The following CADM2 variants were observed in gnomAD, a reference collection of about 807,000 sequenced individuals.
CADM2 encodes immunoglobulin superfamily member 4D.
CADM2 carries 12 observed loss-of-function variants against 49.8 expected under a neutral mutation model. The ratio of observed to expected loss-of-function variants is 0.24; its 90% confidence interval spans 0.15 to 0.39. The LOEUF is 0.39. Ranked by LOEUF, CADM2 falls within the 10% of genes least tolerant of loss-of-function variation. CADM2 has a pLI of 1.00. For missense variants in CADM2, 378 were observed against 492.3 expected, an observed-to-expected ratio of 0.77 and a Z score of 2.20; for synonymous variants, 214 against 175.4, an observed-to-expected ratio of 1.22 and a Z score of -1.74.
intron 5 of CADM2, among the ~76,000 whole-genome samples, chr3:85,911,860 T>G (rs1293928428): frequency 1.3e-5 from 2 of 152,088 alleles, no homozygotes; most frequent in Non-Finnish European, 2.9e-5. Flanking sequence ...ACCAAAGAAA[T>G]AAAATTGCTG....
chr3:85,569,384 G>C (rs1199242540), intron 1 of CADM2, among the ~76,000 whole-genome samples: 1 of 152,050 alleles, frequency 6.6e-6, no homozygotes, highest in African/African-American at 2.4e-5. Context: ...CCAGTTTGGG[G>C]TTATTAAGAA....
rs79872792 is a variant in CADM2 at position 85,665,181 on chromosome 3, A to G, written c.62-61341A>G. 6.2e-3 allele frequency among the ~76,000 whole-genome samples: 940 copies of G among 152,106 alleles called. 15 individuals carry two copies. Among genetic ancestry groups the G allele is most frequent in the African/African-American group, 0.021 (888 of 41,528 alleles). ...TGAAGCCTGCTTGATTGAATCTATC[A>G]CATTGTACATGCTCAGTCATTTTAA... On this transcript the variant is annotated intron_variant, in intron 1 of 9. Coordinates refer to ENST00000383699, the MANE Select transcript of CADM2 (RefSeq NM_001167675.2).
chr3:85,437,703 T>C (rs1431690789), intron 1 of CADM2, among the ~76,000 whole-genome samples: 2 of 152,006 alleles, frequency 1.3e-5, no homozygotes, highest in Non-Finnish European at 2.9e-5. Context: ...TAAATAGGGC[T>C]GTGGAAATCC....
intron 1 of CADM2, among the ~76,000 whole-genome samples, chr3:85,570,122 T>C (rs1013752977): frequency 2.6e-5 from 4 of 152,192 alleles, no homozygotes; most frequent in Non-Finnish European, 1.5e-5. Flanking sequence ...ACAAATTAAT[T>C]ATCCTTATCC....
At chr3:85,111,362 A>G (rs1168187445) in intron 1 of CADM2, among the ~76,000 whole-genome samples, 1 of 151,802 alleles carries the variant, frequency 6.6e-6, no homozygotes, top group East Asian at 1.9e-4. Flanking sequence ...ATATGGTTCA[A>G]ATTTAAGCCT....
chr3:85,890,302 TA>T (rs1714251944), intron 5 of CADM2, among the ~76,000 whole-genome samples: 1 of 151,758 alleles, frequency 6.6e-6, no homozygotes, highest in Admixed American at 6.6e-5. Flanking sequence ...AAAGAGAGAG[TA>T]GGGGAAAGGT....
chr3:85,201,962 C>A (rs2107747698), intron 1 of CADM2, among the ~76,000 whole-genome samples: 1 of 151,676 alleles, frequency 6.6e-6, no homozygotes, highest in East Asian at 2.0e-4. Context: ...TGCCTGTAGT[C>A]CCAGCTACTC....
intron 6 of CADM2, among the ~76,000 whole-genome samples, chr3:85,934,391 T>C (rs1288155920): frequency 6.6e-6 from 1 of 152,120 alleles, no homozygotes; most frequent in Admixed American, 6.6e-5. Context: ...AAAAAATTAA[T>C]AAAGTATGTT....
At chr3:85,101,170 C>T (rs904631979) in intron 1 of CADM2, among the ~76,000 whole-genome samples, 1 of 152,078 alleles carries the variant, frequency 6.6e-6, no homozygotes, top group Non-Finnish European at 1.5e-5. Flanking sequence ...GGGAGAATTG[C>T]TTAAACAAAG....
At chr3:85,499,146 C>A (rs1371642124) in intron 1 of CADM2, among the ~76,000 whole-genome samples, 1 of 151,972 alleles carries the variant, frequency 6.6e-6, no homozygotes, top group Admixed American at 6.6e-5. Context: ...GGACTCCTAA[C>A]AACAACAATT....
At chr3:85,983,609 A>G (rs1325207081) in intron 8 of CADM2, among the ~76,000 whole-genome samples, 1 of 151,752 alleles carries the variant, frequency 6.6e-6, no homozygotes, top group Non-Finnish European at 1.5e-5. Flanking sequence ...CAGCAGTTGT[A>G]TCATACCATT....
At chr3:85,288,797 C>CT (rs1485196148) in intron 1 of CADM2, among the ~76,000 whole-genome samples, 1 of 127,254 alleles carries the variant, frequency 7.9e-6, no homozygotes, top group Non-Finnish European at 1.6e-5. Flanking sequence ...CCCCCCCCCT[C>CT]TTTTTTTCCA....
chr3:85,897,938 A>G (rs1243959975), intron 5 of CADM2, among the ~76,000 whole-genome samples: 3 of 152,200 alleles, frequency 2.0e-5, no homozygotes, highest in South Asian at 2.1e-4. Context: ...AGTATATGCC[A>G]TAGATCTGTT....
chr3:85,575,861 T>C (rs1377803816), intron 1 of CADM2, among the ~76,000 whole-genome samples: 2 of 152,304 alleles, frequency 1.3e-5, no homozygotes, highest in South Asian at 2.1e-4. Flanking sequence ...AACTGCAAAT[T>C]ATTCAGCATA....
chr3:85,505,884 GT>G (rs2040328698), intron 1 of CADM2, among the ~76,000 whole-genome samples: 1 of 151,998 alleles, frequency 6.6e-6, no homozygotes, highest in African/African-American at 2.4e-5. Flanking sequence ...TTCGGTTATT[GT>G]TTTTGGGTTT....
At chr3:85,569,065 C>A (rs2062400988) in intron 1 of CADM2, among the ~76,000 whole-genome samples, 1 of 152,058 alleles carries the variant, frequency 6.6e-6, no homozygotes, top group Admixed American at 6.6e-5. Context: ...GACATGGAAA[C>A]AGTTAAGTCC....
chr3:85,501,777 G>T (rs1282516416), intron 1 of CADM2, among the ~76,000 whole-genome samples: 1 of 152,042 alleles, frequency 6.6e-6, no homozygotes. Context: ...GCCAGTGGTT[G>T]CTACCAATGA....
intron 1 of CADM2, among the ~76,000 whole-genome samples, chr3:85,233,530 A>C (rs1395942064): frequency 6.6e-6 from 1 of 152,132 alleles, no homozygotes; most frequent in Non-Finnish European, 1.5e-5. Context: ...AGAAAACTTA[A>C]AGCTATTCTA....
chr3:86,048,719 A>G (rs939969477), intron 8 of CADM2, among the ~76,000 whole-genome samples: 1 of 152,092 alleles, frequency 6.6e-6, no homozygotes, highest in Non-Finnish European at 1.5e-5. Context: ...ATCTGTTTCC[A>G]TTGACATGAC....
Sources: gnomAD v4.1 joint callset for allele counts (sites outside exome capture counted in the v4.1 genomes callset) on GRCh38, gnomAD v4.1.1 for gene constraint, MANE v1.5 for transcripts, NCBI Gene and HGNC (gene_info 2026-07-23, HGNC 2026-07-21) for gene names.